GABRR3: variants seen among roughly 807,000 people sequenced by gnomAD.
GABRR3 encodes gamma-aminobutyric acid type A receptor subunit rho3.
GABRR3 carries 29 observed loss-of-function variants against 43.2 expected under a neutral mutation model. The ratio of observed to expected loss-of-function variants is 0.67; its 90% CI spans 0.50 to 0.92. The LOEUF (loss-of-function observed/expected upper bound fraction) is 0.92, where lower values mean the gene tolerates loss of function less well. Among genes scored for constraint, GABRR3 ranks in the 40% least tolerant of loss-of-function variants. The pLI, the probability that GABRR3 is intolerant of heterozygous loss-of-function variation, is 0.00. For synonymous variants in GABRR3, 206 were observed against 195.9 expected (o/e 1.05, Z -0.43); for missense variants, 576 against 572.3 (o/e 1.01, Z -0.07).
chr3:98,009,343 C>A (rs1444192979), intron 5 of GABRR3, among the ~76,000 whole-genome samples: 1 of 152,160 alleles, frequency 6.6e-6, no homozygotes, highest in Non-Finnish European at 1.5e-5. Flanking sequence ...AAACACTCTT[C>A]AAAGTGAGAG....
intron 3 of GABRR3, among the ~76,000 whole-genome samples, chr3:98,020,132 C>T (rs1419370686): frequency 2.0e-5 from 3 of 152,096 alleles, no homozygotes; most frequent in South Asian, 4.2e-4. Flanking sequence ...CTTGGAGGAG[C>T]GGCAGAATGT....
intron 2 of GABRR3, among the ~76,000 whole-genome samples, chr3:98,033,658 T>C (rs1206950110): frequency 1.3e-5 from 2 of 152,076 alleles, no homozygotes; most frequent in Non-Finnish European, 2.9e-5. Flanking sequence ...TAAAATTAGA[T>C]AAAACATACT....
In GABRR3 at chr3:97,993,055, T is replaced by C; in HGVS notation, c.908-7A>G. 1 of 1,582,548 alleles carries C rather than the reference T, an allele frequency of 6.3e-7. No homozygotes were observed. The highest frequency in any genetic ancestry group is 8.6e-7 in the Non-Finnish European group (1 of 1,162,492). ...GTCAGCACTGTGGTGATTCCTGCCATTTGAGAATAGTGGCAAGCTCAGTGA... is the reference window on the plus strand; with the variant it reads ...GTCAGCACTGTGGTGATTCCTGCCACTTGAGAATAGTGGCAAGCTCAGTGA... On this transcript the variant is annotated splice_region_variant and splice_polypyrimidine_tract_variant and intron_variant, in intron 8 of 9. Transcript: ENST00000621172.
intron 9 of GABRR3, among the ~76,000 whole-genome samples, chr3:97,989,766 C>A (rs1490902594): frequency 6.6e-6 from 1 of 152,034 alleles, no homozygotes; most frequent in Non-Finnish European, 1.5e-5. Flanking sequence ...TACTGTCCTT[C>A]CAGGGATAGG....
Position 97,992,782 on chromosome 3 carries a change from A to T in GABRR3, c.1104+70T>A, listed in dbSNP as rs1026697527. Reference sequence around the variant, plus strand: ...TACAAAGGCTTACAACACTGTCAAGAGAGGGCAATAGATAAGGGTAGTCTT... The same window carrying T: ...TACAAAGGCTTACAACACTGTCAAGTGAGGGCAATAGATAAGGGTAGTCTT... On this transcript the variant is annotated intron_variant, in intron 9 of 9. Coordinates refer to ENST00000621172, the Ensembl canonical transcript of GABRR3. 2.7e-5 allele frequency: 37 copies of T among 1,381,168 alleles called. No individual in the cohort carries two copies. In the Admixed American group the frequency reaches 7.8e-4, roughly 29 times the overall value. 85.6% of individuals were successfully genotyped at this position (1,381,168 alleles called of 1,614,324 possible). A position where few individuals can be genotyped will look rare whatever the true frequency, so the allele number is the denominator to read the frequency against.
In GABRR3 at chr3:97,986,995, T is replaced by C. The variant is rs762865604; in HGVS notation, c.1105-13A>G. 4.6e-6 allele frequency: 7 copies of C among 1,518,858 alleles called. No homozygotes were observed. The highest frequency in any genetic ancestry group is 2.6e-5 in the South Asian group (2 of 77,334). The allele number at this position is 1,518,858 out of a possible 1,614,324, so 94.1% of individuals were successfully genotyped here. A position where few individuals can be genotyped will look rare whatever the true frequency, so the allele number is the denominator to read the frequency against. ...ACATCCTAGAAATCTGTCAAAAAAC[T>C]TTTTTTTAAAGTAGGTCTTGAATAT... On this transcript the variant is annotated splice_polypyrimidine_tract_variant and intron_variant, in intron 9 of 9. Coordinates refer to ENST00000621172, the Ensembl canonical transcript of GABRR3.
chr3:98,029,880 C>T (rs1707063656), intron 2 of GABRR3, among the ~76,000 whole-genome samples: 1 of 151,860 alleles, frequency 6.6e-6, no homozygotes, highest in East Asian at 1.9e-4. Context: ...CTTTGGGAGG[C>T]GAAGGCGGGC....
At chr3:98,029,059 C>A (rs1707056135) in intron 2 of GABRR3, among the ~76,000 whole-genome samples, 1 of 152,110 alleles carries the variant, frequency 6.6e-6, no homozygotes, top group Non-Finnish European at 1.5e-5. Flanking sequence ...TTAGCCGCTA[C>A]TGAGAAGAAG....
In GABRR3 at chr3:97,993,321, T is replaced by C. The variant is rs565987182; in HGVS notation, c.908-273A>G. Among the ~76,000 whole-genome samples, 3 of 152,330 alleles carry C rather than the reference T, an allele frequency of 2.0e-5. No homozygotes were observed. In the East Asian group the frequency reaches 5.8e-4, roughly 29 times the overall value. On this transcript the variant is annotated intron_variant, in intron 8 of 9. Coordinates refer to ENST00000621172, the Ensembl canonical transcript of GABRR3. ...TTCACAGAAAACAGAGTCTGACTTT[T>C]CTGTTTTTCACCCTCAGATGGGCCT... is the stretch of plus-strand genomic sequence containing the variant.
chr3:98,004,515 T>C (rs1706698492), intron 7 of GABRR3, among the ~76,000 whole-genome samples: 1 of 151,996 alleles, frequency 6.6e-6, no homozygotes, highest in South Asian at 2.1e-4. Context: ...ATTCAATGCA[T>C]CCCTTAGGGG....
downstream of GABRR3, among the ~76,000 whole-genome samples, chr3:97,985,772 T>C (rs1354026226): frequency 6.6e-6 from 1 of 152,076 alleles, no homozygotes; most frequent in Non-Finnish European, 1.5e-5. Context: ...TAATTTAACA[T>C]TAGAATGAGA....
chr3:98,013,932 C>T (rs1706842805), intron 4 of GABRR3, among the ~76,000 whole-genome samples: 1 of 152,168 alleles, frequency 6.6e-6, no homozygotes, highest in African/African-American at 2.4e-5. Context: ...TATAGCAAGT[C>T]ACCACACGCT....
At chr3:98,017,796 T>A (rs1484177743) in intron 3 of GABRR3, 74 bp from the exon 4 acceptor site, 1 of 1,067,442 alleles carries the variant, frequency 9.4e-7, no homozygotes, top group African/African-American at 1.6e-5. Context: ...AACAGAGAGA[T>A]TAATTCTCTT....
intron 8 of GABRR3, chr3:97,998,852 T>C (rs1706595136): frequency 6.6e-6 from 1 of 152,192 alleles, no homozygotes; most frequent in South Asian, 2.1e-4. Context: ...TGTTAACTTG[T>C]AATGAATTGA....
intron 6 of GABRR3, 34 bp from the exon 7 acceptor site, chr3:98,007,938 A>G (rs1706743408): frequency 6.6e-7 from 1 of 1,521,102 alleles, no homozygotes; most frequent in African/African-American, 1.4e-5. Flanking sequence ...TGTAAGTGTA[A>G]TAAGCTCTTG....
rs201490254 is a variant in GABRR3, at chr3:98,017,638, C to A, written c.306+17G>T. The A allele has an allele frequency of 1.3e-6, 2 of 1,590,040 alleles. No individual in the cohort carries two copies. Among genetic ancestry groups the A allele is most frequent in the South Asian group, 2.3e-5 (2 of 88,510 alleles). ...TGTCTTTTCAGAAAAAGAGCAATATCCCATGAAGAAACTTACCATGTTAGT... is the reference window on the plus strand; with the variant it reads ...TGTCTTTTCAGAAAAAGAGCAATATACCATGAAGAAACTTACCATGTTAGT... On this transcript the variant is annotated intron_variant, in intron 4 of 9. Coordinates refer to ENST00000621172, the Ensembl canonical transcript of GABRR3.
intron 8 of GABRR3, among the ~76,000 whole-genome samples, chr3:97,995,279 A>C (rs1428108700): frequency 1.3e-5 from 2 of 152,176 alleles, no homozygotes; most frequent in East Asian, 3.9e-4. Flanking sequence ...GCCCAGCTAA[A>C]AAATTTTTAA....
At chr3:98,016,060 G>A (rs868719522) in intron 4 of GABRR3, among the ~76,000 whole-genome samples, 91 of 152,132 alleles carry the variant, frequency 6.0e-4, no homozygotes, top group African/African-American at 2.1e-3. Context: ...AGGGGAAACT[G>A]CCACTTTCAA....
intron 8 of GABRR3, among the ~76,000 whole-genome samples, chr3:97,994,306 C>T (rs1706508284): frequency 6.6e-6 from 1 of 152,174 alleles, no homozygotes; most frequent in Non-Finnish European, 1.5e-5. Flanking sequence ...TTCTATAGAG[C>T]CATTCTATTT....
Sources: gnomAD v4.1 joint callset for allele counts (sites outside exome capture counted in the v4.1 genomes callset) on GRCh38, gnomAD v4.1.1 for gene constraint, MANE v1.5 for transcripts, NCBI Gene and HGNC (gene_info 2026-07-23, HGNC 2026-07-21) for gene names.